COPB1: variants seen among roughly 807,000 people sequenced by gnomAD.
The protein encoded by COPB1 is coatomer subunit beta.
In COPB1, 21 loss-of-function variants were observed where a neutral mutation model predicts 108.7. That is an observed-to-expected ratio of 0.19 (90% confidence interval 0.14 to 0.28). The LOEUF is 0.28. COPB1 is among the 10% of genes least tolerant of loss of function. The pLI, the probability that COPB1 is intolerant of heterozygous loss-of-function variation, is 1.00. For missense variants in COPB1, 919 were observed against 1,141.3 expected, an observed-to-expected ratio of 0.81 and a Z score of 2.81; for synonymous variants, 378 against 386.8, an observed-to-expected ratio of 0.98 and a Z score of 0.27.
chr11:14,499,047 C>T (rs1363565885), intron 1 of COPB1, 62 bp from the exon 2 acceptor site: 3 of 737,756 alleles, frequency 4.1e-6, no homozygotes, highest in African/African-American at 3.7e-5. Context: ...CAAACAAGTA[C>T]CTATAGTGAC....
chr11:14,467,218 A>G (rs1455690653), intron 16 of COPB1, among the ~76,000 whole-genome samples: 1 of 152,252 alleles, frequency 6.6e-6, no homozygotes, highest in East Asian at 1.9e-4. Flanking sequence ...CAATTTAAAA[A>G]TAGGCACAGG....
rs574850020 is a variant in COPB1 at position 14,498,291 on chromosome 11, T to A, written c.91+547A>T. Among the ~76,000 whole-genome samples the A allele has an allele frequency of 3.3e-5, 5 of 152,260 alleles. No homozygotes were observed. The South Asian group carries it at 1.0e-3, about 32-fold the overall frequency. On this transcript the variant is annotated intron_variant, in intron 2 of 21. Transcript: ENST00000439561. ...TTCATGTACCCCATAAATATATACA[T>A]CTACTGTGTACCCCCAAAAATTAAA...
At chr11:14,485,582 T>C (rs558451836) in intron 7 of COPB1, among the ~76,000 whole-genome samples, 7 of 152,312 alleles carry the variant, frequency 4.6e-5, no homozygotes, top group South Asian at 2.1e-4. Context: ...CGCGGTGGCT[T>C]ACGCCTGTAA....
intron 8 of COPB1, 102 bp downstream of exon 8, chr11:14,482,930 A>T: frequency 9.4e-7 from 1 of 1,064,568 alleles, no homozygotes. Flanking sequence ...TAAACTGCTC[A>T]GTTTCCAAGC....
intron 19 of COPB1, among the ~76,000 whole-genome samples, chr11:14,460,641 G>A (rs1270346910): frequency 6.6e-6 from 1 of 151,656 alleles, no homozygotes; most frequent in Non-Finnish European, 1.5e-5. Flanking sequence ...CTCAGTCTCC[G>A]GAGTAGCTGG....
chr11:14,475,977 A>G (rs1368456487), intron 12 of COPB1, 32 bp from the exon 13 acceptor site: 1 of 1,543,374 alleles, frequency 6.5e-7, no homozygotes, highest in African/African-American at 1.4e-5. Flanking sequence ...CATTTTAGTA[A>G]TAGTATCAAC....
chr11:14,491,081 C>G (rs1212678181), intron 4 of COPB1, among the ~76,000 whole-genome samples: 1 of 151,790 alleles, frequency 6.6e-6, no homozygotes, highest in Non-Finnish European at 1.5e-5. Context: ...AGCCACCGTG[C>G]CCAGACAAGG....
intron 14 of COPB1, 171 bp downstream of exon 14, chr11:14,474,324 G>A (rs575507958): frequency 2.1e-6 from 1 of 480,786 alleles, no homozygotes; most frequent in African/African-American, 1.9e-5. Flanking sequence ...AGAAGAGGAA[G>A]ATACTTTATC....
intron 20 of COPB1, among the ~76,000 whole-genome samples, chr11:14,459,790 T>A (rs1195952196): frequency 6.6e-6 from 1 of 152,040 alleles, no homozygotes; most frequent in Admixed American, 6.6e-5. Flanking sequence ...GTAATTTTTG[T>A]ATTTTTAGTA....
intron 14 of COPB1, 71 bp downstream of exon 14, chr11:14,474,424 C>A: frequency 7.1e-7 from 1 of 1,414,998 alleles, no homozygotes; most frequent in East Asian, 2.3e-5. Flanking sequence ...TTTTGAGTCC[C>A]TCACTGTTCA....
In COPB1 at chr11:14,461,204, T is replaced by C. The variant is rs867358851; in HGVS notation, c.2538A>G (p.Glu846=). The C allele has an allele frequency of 6.2e-7, 1 of 1,614,152 alleles. No homozygotes were observed. The change falls in exon 19 of 22, where the codon GAA becomes GAG. Residue 846 remains glutamate, a synonymous_variant. Coordinates refer to ENST00000439561, the MANE Select transcript of COPB1 (RefSeq NM_001144061.2). ...GACTAACTTTGTTTTCCCATTCAAA[T>C]TCGGCCCACATCTGACGGAATTCTG... is the stretch of plus-strand genomic sequence containing the variant. ...TDAEFRQMWA[E]FEWENKVTVN...
intron 17 of COPB1, 75 bp from the exon 18 acceptor site, chr11:14,465,105 A>T: frequency 9.1e-7 from 1 of 1,095,400 alleles, no homozygotes; most frequent in Non-Finnish European, 1.2e-6. Context: ...ACACACACAC[A>T]CACACTAACC....
intron 17 of COPB1, 92 bp from the exon 18 acceptor site, chr11:14,465,122 C>G (rs1185986826): frequency 7.1e-7 from 1 of 1,411,888 alleles, no homozygotes; most frequent in African/African-American, 1.4e-5. Context: ...AACCATAAAA[C>G]CTTAAATGTA....
At chr11:14,476,759 CTTCTT>C (rs1021526412) in intron 12 of COPB1, among the ~76,000 whole-genome samples, 155 bp downstream of exon 12, 3 of 115,756 alleles carry the variant, frequency 2.6e-5, no homozygotes, top group African/African-American at 6.7e-5. Context: ...CAAGCTACTG[CTTCTT>C]TTTTTTTTTT....
rs1850357096 is a variant in COPB1, at chr11:14,469,441, C to T, written c.1860G>A (p.Leu620=). 6.2e-7 allele frequency: 1 copy of T among 1,614,148 alleles called. No individual in the cohort carries two copies. Among genetic ancestry groups the T allele is most frequent in the South Asian group, 1.1e-5 (1 of 91,076 alleles). The change falls in exon 15 of 22, where the codon TTG becomes TTA. Residue 620 remains leucine, a synonymous_variant. Transcript: ENST00000439561. ...CATTCATTAAAGGTGAACATTCAGA[C>T]AAGACCTTGAGGCACAGGGAAATTC... ...VDRISLCLKV[L]SECSPLMNDI...
rs111415041 is a variant in COPB1 at position 14,497,289 on chromosome 11, T to G, written c.91+1549A>C. 3.6e-3 allele frequency among the ~76,000 whole-genome samples: 543 copies of G among 151,672 alleles called. 7 individuals carry two copies. Among genetic ancestry groups the G allele is most frequent in the African/African-American group, 0.013 (528 of 41,310 alleles). ...TGGGAGAAAATATGTGCTAACTACC[T>G]ATCTCACAAGGGATTAATAACCAGA... On this transcript the variant is annotated intron_variant, in intron 2 of 21. Transcript: ENST00000439561.
intron 15 of COPB1, 144 bp from the exon 16 acceptor site, chr11:14,469,004 T>C (rs765611567): frequency 1.4e-5 from 10 of 733,212 alleles, no homozygotes; most frequent in Non-Finnish European, 1.8e-5. Flanking sequence ...CTTTTCTTTT[T>C]TTTCTTCCTG....
In COPB1 at chr11:14,488,551, C is replaced by T. The variant is rs1381939370; in HGVS notation, c.640G>A (p.Asp214Asn). ...ATGTCTCCAAATGTTTGAACTTGATCAATGCAAGTACTTAAGTAATCCAAA... is the reference window on the plus strand; with the variant it reads ...ATGTCTCCAAATGTTTGAACTTGATTAATGCAAGTACTTAAGTAATCCAAA... The part of the protein sequence containing the change: ...RALDYLSTCI[D>N]QVQTFGDILQ... Residue 214 changes from aspartate to asparagine, a missense_variant, in exon 6 of 22, where the codon GAT becomes AAT. Physicochemically the swap from Asp to Asn is conservative, Grantham distance 23. This residue lies in a region of COPB1 where 78 missense variants were observed against 95.4 expected (regional missense o/e 0.82). Transcript: ENST00000439561. The T allele has an allele frequency of 6.2e-7, 1 of 1,607,452 alleles. No individual in the cohort carries two copies. The highest frequency in any genetic ancestry group is 1.1e-5 in the South Asian group (1 of 90,038).
intron 12 of COPB1, among the ~76,000 whole-genome samples, 157 bp downstream of exon 12, chr11:14,476,762 C>CTTTTTTTTTT: frequency 7.6e-6 from 1 of 131,022 alleles, no homozygotes; most frequent in Non-Finnish European, 1.6e-5. Context: ...GCTACTGCTT[C>CTTTTTTTTTT]TTTTTTTTTT....
Sources: gnomAD v4.1 joint callset for allele counts (sites outside exome capture counted in the v4.1 genomes callset) on GRCh38, gnomAD v4.1.1 for gene constraint, gnomAD v4.1.1 regional missense constraint, MANE v1.5 for transcripts, NCBI Gene and HGNC (gene_info 2026-07-23, HGNC 2026-07-21) for gene names.